RGS22: variants seen among roughly 807,000 people sequenced by gnomAD.
RGS22 encodes regulator of G protein signaling 22, also known as regulator of G-protein signaling 22.
Under a neutral mutation model 172.9 loss-of-function variants are expected in RGS22, and 148 were observed. The ratio of observed to expected loss-of-function variants is 0.86; its 90% CI spans 0.75 to 0.98. The LOEUF is 0.98. Ranked by LOEUF, RGS22 falls within the 50% of genes least tolerant of loss-of-function variation. The pLI is 0.00. For missense variants in RGS22, 1,347 were observed against 1,440.8 expected (o/e 0.93, Z 1.05); for synonymous variants, 458 against 480.2 (o/e 0.95, Z 0.60).
chr8:100,071,284 C>G (rs1304032788), intron 6 of RGS22, 85 bp downstream of exon 6: 1 of 1,216,734 alleles, frequency 8.2e-7, no homozygotes, highest in African/African-American at 1.6e-5. Context: ...GAGATCCTGT[C>G]TCAAAAAATA....
At chr8:99,991,103 T>A (rs1334010271) in intron 20 of RGS22, among the ~76,000 whole-genome samples, 2 of 152,182 alleles carry the variant, frequency 1.3e-5, no homozygotes, top group East Asian at 3.9e-4. Context: ...CAAAACCCCA[T>A]CTGTAGGTTA....
chr8:100,093,571 T>C (rs150073191), intron 2 of RGS22, 62 bp from the exon 3 acceptor site: 14 of 1,097,874 alleles, frequency 1.3e-5, no homozygotes, highest in African/African-American at 3.2e-5. Flanking sequence ...ATGCCTATAT[T>C]ATTCTCTATT....
intron 14 of RGS22, among the ~76,000 whole-genome samples, chr8:100,033,621 T>C (rs1040459960): frequency 2.0e-5 from 3 of 151,758 alleles, no homozygotes; most frequent in African/African-American, 7.3e-5. Context: ...TACCATTTCT[T>C]TTGAAACTGT....
Position 100,034,909 on chromosome 8 carries a change from A to G in RGS22, c.2166+4022T>C, listed in dbSNP as rs543243365. On this transcript the variant is annotated intron_variant, in intron 14 of 27. Coordinates refer to ENST00000360863, the MANE Select transcript of RGS22 (RefSeq NM_015668.5). ...TGGGAAAACTGGCTAGCCATATGTA[A>G]AAAGCTGAAACTGGATCCCCTCCTT... Among the ~76,000 whole-genome samples, 57 of 152,236 alleles carry G rather than the reference A, an allele frequency of 3.7e-4. No homozygotes were observed. The East Asian group carries it at 0.01, about 28-fold the overall frequency.
At chr8:100,101,991 C>T (rs1367888524) in intron 2 of RGS22, among the ~76,000 whole-genome samples, 4 of 152,132 alleles carry the variant, frequency 2.6e-5, no homozygotes, top group Non-Finnish European at 4.4e-5. Flanking sequence ...GGGACCCAGG[C>T]CCCTCTGATC....
intron 11 of RGS22, among the ~76,000 whole-genome samples, chr8:100,043,514 C>T (rs779317554): frequency 1.3e-4 from 20 of 152,054 alleles, no homozygotes; most frequent in Non-Finnish European, 2.4e-4. Context: ...CGGTGGCTCA[C>T]GCCTATAATC....
intron 14 of RGS22, among the ~76,000 whole-genome samples, chr8:100,008,930 C>CT (rs902565513): frequency 2.6e-5 from 4 of 151,708 alleles, no homozygotes; most frequent in African/African-American, 7.3e-5. Flanking sequence ...GCTTGAAATA[C>CT]TTTTTTTTGG....
intron 14 of RGS22, among the ~76,000 whole-genome samples, chr8:100,031,464 A>G (rs1818795549): frequency 6.6e-6 from 1 of 151,958 alleles, no homozygotes; most frequent in African/African-American, 2.4e-5. Context: ...TCTCATTTCC[A>G]TTTCATTCTT....
chr8:100,059,468 A>G (rs1322542463), intron 9 of RGS22, among the ~76,000 whole-genome samples: 4 of 152,024 alleles, frequency 2.6e-5, no homozygotes, highest in African/African-American at 9.7e-5. Flanking sequence ...TGGAAACAAA[A>G]AAAAAAAAGC....
chr8:100,057,261 ATTT>A (rs1809713218), intron 9 of RGS22, among the ~76,000 whole-genome samples: 1 of 152,020 alleles, frequency 6.6e-6, no homozygotes, highest in Non-Finnish European at 1.5e-5. Context: ...CTTGCTTTTG[ATTT>A]TACAGGCTCA....
chr8:100,076,411 T>C (rs1022050530), intron 4 of RGS22, among the ~76,000 whole-genome samples: 4 of 152,202 alleles, frequency 2.6e-5, no homozygotes, highest in African/African-American at 9.6e-5. Flanking sequence ...TGTTAAGTTG[T>C]AGGTTTTTAT....
intron 20 of RGS22, among the ~76,000 whole-genome samples, chr8:99,992,627 G>A (rs185735848): frequency 3.0e-4 from 45 of 152,244 alleles, no homozygotes; most frequent in African/African-American, 1.1e-3. Context: ...CAAGTCCTTA[G>A]AGACCTATGA....
At chr8:100,101,389 C>T (rs769677809) in intron 2 of RGS22, among the ~76,000 whole-genome samples, 99 of 150,016 alleles carry the variant, frequency 6.6e-4, no homozygotes, top group African/African-American at 2.0e-3. Context: ...TGGATTCAAG[C>T]GATTCTCCTG....
In RGS22 at chr8:100,029,507, G is replaced by GATGAT. The variant is rs1393521278; in HGVS notation, c.2166+9423_2166+9424insATCAT. Among the ~76,000 whole-genome samples, 6 of 152,004 alleles carry GATGAT rather than the reference G, an allele frequency of 3.9e-5. No individual in the cohort carries two copies. In the East Asian group the frequency reaches 5.8e-4, roughly 15 times the overall value. On this transcript the variant is annotated intron_variant, in intron 14 of 27. Coordinates refer to ENST00000360863, the MANE Select transcript of RGS22 (RefSeq NM_015668.5). ...ATCTGAGGTCAGGAGTTCAAGACCAGCCTGACCAGCATGGTGAAACCCCGT... is the reference window on the plus strand; with the variant it reads ...ATCTGAGGTCAGGAGTTCAAGACCAGATGATCCTGACCAGCATGGTGAAACCCCGT...
At chr8:100,083,902 T>G (rs1335550297) in intron 3 of RGS22, among the ~76,000 whole-genome samples, 1 of 149,188 alleles carries the variant, frequency 6.7e-6, no homozygotes, top group Non-Finnish European at 1.5e-5. Flanking sequence ...CTGGATGGAG[T>G]GCAGTGGCGC....
At chr8:100,033,923 G>A (rs917485446) in intron 14 of RGS22, among the ~76,000 whole-genome samples, 17 of 152,162 alleles carry the variant, frequency 1.1e-4, no homozygotes, top group African/African-American at 3.9e-4. Flanking sequence ...AGCCATTCAT[G>A]CTAAAAACTC....
At chr8:100,041,633 A>C (rs79634557) in intron 12 of RGS22, among the ~76,000 whole-genome samples, 169 bp downstream of exon 12, 3,151 of 152,372 alleles carry the variant, frequency 0.021, 46 homozygotes, top group Non-Finnish European at 0.036. Flanking sequence ...CTACAAAAGA[A>C]AAACACAGAG....
chr8:99,974,289 G>A (rs1291368601), intron 23 of RGS22, among the ~76,000 whole-genome samples: 1 of 152,078 alleles, frequency 6.6e-6, no homozygotes, highest in Non-Finnish European at 1.5e-5. Context: ...GGTTGGGGAG[G>A]GGTGATTTTA....
chr8:100,082,893 G>A (rs547749769), intron 3 of RGS22, among the ~76,000 whole-genome samples: 23 of 152,286 alleles, frequency 1.5e-4, no homozygotes, highest in African/African-American at 4.8e-4. Flanking sequence ...AAGCAACATG[G>A]TGTATGTGGG....
Sources: allele counts gnomAD v4.1 joint callset (sites outside exome capture counted in the v4.1 genomes callset), GRCh38; gene constraint gnomAD v4.1.1; transcripts MANE v1.5; gene names NCBI Gene and HGNC (gene_info 2026-07-23, HGNC 2026-07-21).